LINC00305: variants seen among roughly 807,000 people sequenced by gnomAD.
The protein encoded by LINC00305 is long independently transcribed non-coding RNA 305.
chr18:64,111,990 T>C (rs1306000389), intron 1 of LINC00305, among the ~76,000 whole-genome samples: 1 of 152,190 alleles, frequency 6.6e-6, no homozygotes, highest in Non-Finnish European at 1.5e-5. Flanking sequence ...ACAAAACCAA[T>C]TTATTCTATA....
In LINC00305 at chr18:64,089,192, C is replaced by T. The variant is rs141042229; in HGVS notation, n.540+8642G>A. ...GTGGGAGGTGATTGGATCATGGGGG[C>T]GGTTTTCCCCATGCTGTTCTCATGA... On this transcript the variant is annotated intron_variant and non_coding_transcript_variant, in intron 3 of 3. Coordinates refer to ENST00000666468, the Ensembl canonical transcript of LINC00305. Among the ~76,000 whole-genome samples, 384 of 152,188 alleles carry T rather than the reference C, an allele frequency of 2.5e-3. 2 individuals are homozygous for T. Among genetic ancestry groups the T allele is most frequent in the African/African-American group, 8.8e-3 (364 of 41,540 alleles).
Position 64,109,138 on chromosome 18 carries a change from G to A in LINC00305, n.315-10498C>T, listed in dbSNP as rs182849865. ...TGAGAAAAATGTATTTGATCCTATGGGAGGTACTCTATTGAGTAATTTAAG... is the reference window on the plus strand; with the variant it reads ...TGAGAAAAATGTATTTGATCCTATGAGAGGTACTCTATTGAGTAATTTAAG... On this transcript the variant is annotated intron_variant and non_coding_transcript_variant, in intron 1 of 3. Transcript: ENST00000666468. Among the ~76,000 whole-genome samples the A allele has an allele frequency of 2.6e-4, 40 of 152,284 alleles. No individual in the cohort carries two copies. The East Asian group carries it at 7.5e-3, about 29-fold the overall frequency.
intron 1 of LINC00305, among the ~76,000 whole-genome samples, chr18:64,126,570 C>T (rs1406185487): frequency 1.3e-5 from 2 of 151,970 alleles, no homozygotes; most frequent in African/African-American, 4.8e-5. Flanking sequence ...TCAGAGCTGC[C>T]CTTAATAATT....
intron 1 of LINC00305, among the ~76,000 whole-genome samples, chr18:64,143,606 G>GTA (rs1397101729): frequency 8.4e-5 from 9 of 107,080 alleles, no homozygotes; most frequent in Non-Finnish European, 1.6e-4. Flanking sequence ...ATATGTATAT[G>GTA]TACATATGTA....
At chr18:64,112,137 C>A (rs755495726) in intron 1 of LINC00305, among the ~76,000 whole-genome samples, 2 of 152,192 alleles carry the variant, frequency 1.3e-5, no homozygotes, top group East Asian at 3.9e-4. Flanking sequence ...AATCAGCCTG[C>A]CGCAGATGCT....
chr18:64,093,251 C>T (rs2051231948), intron 3 of LINC00305, among the ~76,000 whole-genome samples: 1 of 152,206 alleles, frequency 6.6e-6, no homozygotes, highest in African/African-American at 2.4e-5. Flanking sequence ...CACAACTTCC[C>T]CACATGAATA....
chr18:64,081,827 A>C (rs2144889689), intron 3 of LINC00305, among the ~76,000 whole-genome samples: 1 of 152,348 alleles, frequency 6.6e-6, no homozygotes. Flanking sequence ...ACAGTGGAGA[A>C]AGCTGCATCC....
At chr18:64,140,204 A>T (rs1409976907) in intron 1 of LINC00305, among the ~76,000 whole-genome samples, 1 of 150,074 alleles carries the variant, frequency 6.7e-6, no homozygotes, top group Non-Finnish European at 1.5e-5. Flanking sequence ...CTCTGCTTTG[A>T]TTTTCTTTCT....
intron 1 of LINC00305, among the ~76,000 whole-genome samples, chr18:64,100,465 G>A (rs1224530896): frequency 1.3e-5 from 2 of 152,126 alleles, no homozygotes; most frequent in Non-Finnish European, 2.9e-5. Flanking sequence ...AGTACAACTC[G>A]AAGCAGTCAG....
intron 1 of LINC00305, among the ~76,000 whole-genome samples, chr18:64,134,048 A>G (rs1487424982): frequency 1.3e-5 from 2 of 152,332 alleles, no homozygotes; most frequent in East Asian, 3.9e-4. Flanking sequence ...TAAACATCGG[A>G]GGGGCTTCAG....
intron 1 of LINC00305, among the ~76,000 whole-genome samples, chr18:64,132,887 G>A (rs537360400): frequency 6.6e-6 from 1 of 152,330 alleles, no homozygotes; most frequent in South Asian, 2.1e-4. Context: ...CACCATCCCA[G>A]CATGACTTCA....
rs375712817 is a variant in LINC00305 at position 64,088,142 on chromosome 18, GA to G, written n.541-7741del. 3.6e-3 allele frequency among the ~76,000 whole-genome samples: 518 copies of G among 142,380 alleles called. 2 individuals carry two copies. Among genetic ancestry groups the G allele is most frequent in the African/African-American group, 9.5e-3 (374 of 39,306 alleles). The allele number at this position is 142,380 out of a possible 152,430, so 93.4% of individuals were successfully genotyped here. A position where few individuals can be genotyped will look rare whatever the true frequency, so the allele number is the denominator to read the frequency against. The stretch of plus-strand genomic sequence containing the variant: ...GCGACAGAGCGAGACTCCGTATCAG[GA>G]AAAAAAAAAAAGAAAGTCAGAGAGA... On this transcript the variant is annotated intron_variant and non_coding_transcript_variant, in intron 3 of 3. Coordinates refer to ENST00000666468, the Ensembl canonical transcript of LINC00305.
chr18:64,118,833 T>C (rs1378306807), intron 1 of LINC00305, among the ~76,000 whole-genome samples: 1 of 95,214 alleles, frequency 1.1e-5, no homozygotes, highest in Non-Finnish European at 2.7e-5. Flanking sequence ...TCTGTGTGTG[T>C]GTGTGTGTGT....
At chr18:64,085,763 A>T (rs1037549763) in intron 3 of LINC00305, among the ~76,000 whole-genome samples, 1 of 152,174 alleles carries the variant, frequency 6.6e-6, no homozygotes, top group Non-Finnish European at 1.5e-5. Context: ...GCCCAGTTTT[A>T]TGTGTCATTT....
At chr18:64,093,377 C>G (rs535643570) in intron 3 of LINC00305, among the ~76,000 whole-genome samples, 1 of 152,100 alleles carries the variant, frequency 6.6e-6, no homozygotes, top group Admixed American at 6.5e-5. Context: ...GCTCTGTCAC[C>G]AGGCTGGAGT....
intron 1 of LINC00305, among the ~76,000 whole-genome samples, chr18:64,110,577 A>G (rs979560294): frequency 6.6e-6 from 1 of 152,176 alleles, no homozygotes; most frequent in Non-Finnish European, 1.5e-5. Flanking sequence ...AGATTTTTTT[A>G]TGGTGACCTA....
At chr18:64,145,098 T>G (rs1307251725) in intron 1 of LINC00305, among the ~76,000 whole-genome samples, 1 of 152,194 alleles carries the variant, frequency 6.6e-6, no homozygotes, top group Non-Finnish European at 1.5e-5. Flanking sequence ...CCTGTTTCCA[T>G]GGATTGTTTG....
intron 1 of LINC00305, among the ~76,000 whole-genome samples, chr18:64,143,807 GT>G (rs2051483314): frequency 6.7e-6 from 1 of 150,054 alleles, no homozygotes; most frequent in African/African-American, 2.5e-5. Context: ...GTACATGTAT[GT>G]ATACATATAT....
intron 1 of LINC00305, among the ~76,000 whole-genome samples, chr18:64,145,068 C>T (rs1199532835): frequency 3.3e-5 from 5 of 152,096 alleles, no homozygotes; most frequent in Non-Finnish European, 7.4e-5. Flanking sequence ...TCTGGTCTAA[C>T]CTGTTGTCTA....
Sources: gnomAD v4.1 joint callset for allele counts (sites outside exome capture counted in the v4.1 genomes callset) on GRCh38, gnomAD v4.1.1 for gene constraint, MANE v1.5 for transcripts, NCBI Gene and HGNC (gene_info 2026-07-23, HGNC 2026-07-21) for gene names.